The following HYCC1 variants were observed in gnomAD, a reference collection of about 807,000 sequenced individuals.
The protein encoded by HYCC1 is hyccin PI4KA lipid kinase complex subunit 1, also known as hyccin.
At chr7:22,939,149 C>G in the HYCC1 span, 1 of 152,170 alleles carries the variant, frequency 6.6e-6, no homozygotes, top group Non-Finnish European at 1.5e-5. Flanking sequence ...CCTCTATTAA[C>G]AGACATTTAG....
At chr7:22,903,536 T>C in the HYCC1 span, among the ~76,000 whole-genome samples, 4 of 152,194 alleles carry the variant, frequency 2.6e-5, no homozygotes, top group Non-Finnish European at 4.4e-5. Context: ...AAAATCTGAA[T>C]AGCTCTATCT....
the HYCC1 span, among the ~76,000 whole-genome samples, chr7:22,924,422 C>A: frequency 1.3e-5 from 2 of 152,146 alleles, no homozygotes; most frequent in African/African-American, 4.8e-5. Context: ...TCAGGGAATT[C>A]CCTTTCCTAG....
the HYCC1 span, among the ~76,000 whole-genome samples, chr7:22,976,520 C>T: frequency 6.6e-6 from 1 of 152,122 alleles, no homozygotes; most frequent in African/African-American, 2.4e-5. Context: ...CCAGCTGACA[C>T]CTGAAGCAAA....
the HYCC1 span, among the ~76,000 whole-genome samples, chr7:22,981,650 A>T: frequency 6.6e-6 from 1 of 152,210 alleles, no homozygotes; most frequent in African/African-American, 2.4e-5. Flanking sequence ...GATCATCCAC[A>T]AACTGTTATC....
the HYCC1 span, among the ~76,000 whole-genome samples, chr7:22,917,591 C>G: frequency 6.6e-6 from 1 of 152,214 alleles, no homozygotes; most frequent in Non-Finnish European, 1.5e-5. Flanking sequence ...GCCTTTCCCA[C>G]AGGGCCTGAA....
At chr7:22,913,484 A>C in the HYCC1 span, among the ~76,000 whole-genome samples, 3 of 152,198 alleles carry the variant, frequency 2.0e-5, no homozygotes, top group African/African-American at 7.2e-5. Context: ...TCTGAGCCCA[A>C]GCCTGCGTGT....
the HYCC1 span, among the ~76,000 whole-genome samples, chr7:22,953,059 T>A: frequency 4.6e-5 from 7 of 152,082 alleles, no homozygotes; most frequent in Admixed American, 4.6e-4. Flanking sequence ...ACATGGTAAA[T>A]GACAGAATTC....
chr7:22,906,820 C>A, the HYCC1 span, among the ~76,000 whole-genome samples: 2 of 151,972 alleles, frequency 1.3e-5, no homozygotes, highest in African/African-American at 2.4e-5. Flanking sequence ...AAATACACAC[C>A]TGGCTGGGTT....
chr7:22,960,180 T>C, the HYCC1 span: 1 of 1,443,680 alleles, frequency 6.9e-7, no homozygotes, highest in Non-Finnish European at 9.7e-7. Flanking sequence ...AAGTTAGAAG[T>C]TATAGCACCA....
chr7:22,922,287 A>G, the HYCC1 span, among the ~76,000 whole-genome samples: 1 of 152,248 alleles, frequency 6.6e-6, no homozygotes, highest in Non-Finnish European at 1.5e-5. Flanking sequence ...CAGATTGGAT[A>G]AAAAGCAAGA....
At chr7:22,948,242 T>G in the HYCC1 span, among the ~76,000 whole-genome samples, 5 of 152,066 alleles carry the variant, frequency 3.3e-5, no homozygotes, top group Non-Finnish European at 7.4e-5. Flanking sequence ...TTAAAAACTG[T>G]AGACCACAAA....
chr7:22,956,521 A>C, the HYCC1 span, among the ~76,000 whole-genome samples: 1 of 147,402 alleles, frequency 6.8e-6, no homozygotes, highest in Non-Finnish European at 1.5e-5. Context: ...ACACACCATT[A>C]GTTGTCAAAC....
At chr7:22,974,714 C>G in the HYCC1 span, among the ~76,000 whole-genome samples, 1 of 152,024 alleles carries the variant, frequency 6.6e-6, no homozygotes. Flanking sequence ...TCAATGATCC[C>G]GTCCTCTGTG....
At chr7:22,958,138 A>C in the HYCC1 span, among the ~76,000 whole-genome samples, 120 of 152,162 alleles carry the variant, frequency 7.9e-4, no homozygotes, top group African/African-American at 2.6e-3. Context: ...GAGCCTAGAA[A>C]AACAATGTGT....
At chr7:23,007,125 CACAGA>C in the HYCC1 span, among the ~76,000 whole-genome samples, 2 of 152,092 alleles carry the variant, frequency 1.3e-5, no homozygotes, top group South Asian at 2.1e-4. Flanking sequence ...GACACATCAA[CACAGA>C]ACAGAACAGT....
the HYCC1 span, among the ~76,000 whole-genome samples, chr7:22,981,524 C>T: frequency 1.3e-5 from 2 of 151,990 alleles, no homozygotes; most frequent in Admixed American, 6.6e-5. Flanking sequence ...TCTGAAAGAG[C>T]GAGTGGTTTT....
the HYCC1 span, among the ~76,000 whole-genome samples, chr7:22,923,343 G>C: frequency 6.6e-6 from 1 of 152,282 alleles, no homozygotes; most frequent in East Asian, 1.9e-4. Flanking sequence ...AGTAAATTCA[G>C]ACTTTTAGAT....
At chr7:22,964,953 G>A in the HYCC1 span, among the ~76,000 whole-genome samples, 45 of 152,024 alleles carry the variant, frequency 3.0e-4, no homozygotes, top group South Asian at 7.3e-3. Context: ...GGTCAATATG[G>A]TAAAACCCTG....
the HYCC1 span, among the ~76,000 whole-genome samples, chr7:22,981,130 A>G: frequency 2.0e-5 from 3 of 152,160 alleles, no homozygotes; most frequent in Non-Finnish European, 4.4e-5. Context: ...TAACTGACAT[A>G]GTATTATATG....
Sources: gnomAD v4.1 joint callset for allele counts (sites outside exome capture counted in the v4.1 genomes callset) on GRCh38, gnomAD v4.1.1 for gene constraint, MANE v1.5 for transcripts, NCBI Gene and HGNC (gene_info 2026-07-23, HGNC 2026-07-21) for gene names.